The following ARHGAP24 variants were observed in gnomAD, a reference collection of about 807,000 sequenced individuals.
The protein encoded by ARHGAP24 is rho GTPase-activating protein 24.
Under a neutral mutation model 76.4 loss-of-function variants are expected in ARHGAP24, and 50 were observed. That is an observed-to-expected ratio of 0.65 (90% CI 0.52 to 0.83). The LOEUF is 0.83. Among genes scored for constraint, ARHGAP24 ranks in the 40% least tolerant of loss-of-function variants. The pLI is 0.00. For synonymous variants in ARHGAP24, 345 were observed against 323.3 expected, an observed-to-expected ratio of 1.07 and a Z score of -0.72; for missense variants, 930 against 914.2, an observed-to-expected ratio of 1.02 and a Z score of -0.22.
At chr4:85,575,760 C>T (rs1463476349) in intron 2 of ARHGAP24, among the ~76,000 whole-genome samples, 1 of 152,068 alleles carries the variant, frequency 6.6e-6, no homozygotes, top group Non-Finnish European at 1.5e-5. Flanking sequence ...TTCAGGCCCA[C>T]CTATTTTACT....
intron 1 of ARHGAP24, among the ~76,000 whole-genome samples, chr4:85,560,600 AG>A (rs1360359710): frequency 6.6e-6 from 1 of 152,206 alleles, no homozygotes; most frequent in African/African-American, 2.4e-5. Context: ...ACTGTACGTA[AG>A]TTCCCCCAGG....
intron 2 of ARHGAP24, among the ~76,000 whole-genome samples, chr4:85,673,568 G>A (rs1361370072): frequency 1.3e-5 from 2 of 151,522 alleles, no homozygotes; most frequent in African/African-American, 4.8e-5. Context: ...AAGAGAAAGA[G>A]AGAAGAAAGA....
At chr4:85,874,141 C>T (rs1236323480) in intron 3 of ARHGAP24, among the ~76,000 whole-genome samples, 2 of 152,044 alleles carry the variant, frequency 1.3e-5, no homozygotes, top group African/African-American at 2.4e-5. Context: ...ACAAAAACAA[C>T]GATAACAATC....
chr4:85,492,459 G>T (rs1723398224), intron 1 of ARHGAP24, among the ~76,000 whole-genome samples: 1 of 152,048 alleles, frequency 6.6e-6, no homozygotes, highest in Non-Finnish European at 1.5e-5. Flanking sequence ...ATAAGCAGCT[G>T]GTTTGATAAA....
chr4:85,535,429 G>A (rs969961691), intron 1 of ARHGAP24, among the ~76,000 whole-genome samples: 3 of 152,150 alleles, frequency 2.0e-5, no homozygotes, highest in East Asian at 3.9e-4. Context: ...AATGTTATTG[G>A]TAGTACACAA....
chr4:85,500,238 A>G (rs565586428), intron 1 of ARHGAP24, among the ~76,000 whole-genome samples: 4 of 152,330 alleles, frequency 2.6e-5, no homozygotes, highest in South Asian at 2.1e-4. Context: ...TGTGGCTTCT[A>G]TTATATTCCT....
chr4:85,808,100 G>C (rs1340794738), intron 3 of ARHGAP24, among the ~76,000 whole-genome samples: 1 of 152,104 alleles, frequency 6.6e-6, no homozygotes, highest in African/African-American at 2.4e-5. Context: ...TAATGAAAGA[G>C]ACCAGATGTT....
chr4:85,503,518 T>A (rs1331353562), intron 1 of ARHGAP24, among the ~76,000 whole-genome samples: 1 of 152,226 alleles, frequency 6.6e-6, no homozygotes, highest in Non-Finnish European at 1.5e-5. Context: ...GCGTTTATAG[T>A]ATTTTCTGAT....
At chr4:85,852,106 C>T (rs967076416) in intron 3 of ARHGAP24, among the ~76,000 whole-genome samples, 2 of 152,216 alleles carry the variant, frequency 1.3e-5, no homozygotes. Context: ...TAGATTTGAT[C>T]TTCTCACATA....
intron 2 of ARHGAP24, among the ~76,000 whole-genome samples, chr4:85,696,643 C>T (rs1441138761): frequency 8.5e-5 from 13 of 152,260 alleles, no homozygotes; most frequent in Middle Eastern, 3.4e-3. Context: ...TTAAGTTTTA[C>T]ATCAAATGGC....
chr4:85,803,254 A>G (rs1728650618), intron 3 of ARHGAP24, among the ~76,000 whole-genome samples: 1 of 152,214 alleles, frequency 6.6e-6, no homozygotes, highest in Non-Finnish European at 1.5e-5. Flanking sequence ...GAACAAAGAC[A>G]GTCACAGTCA....
chr4:85,572,140 A>C (rs1727164129), intron 2 of ARHGAP24, among the ~76,000 whole-genome samples: 1 of 152,188 alleles, frequency 6.6e-6, no homozygotes, highest in African/African-American at 2.4e-5. Context: ...CTCCTATCTT[A>C]CCCTCCACGG....
chr4:85,526,927 C>T (rs1348053139), intron 1 of ARHGAP24, among the ~76,000 whole-genome samples: 1 of 152,148 alleles, frequency 6.6e-6, no homozygotes, highest in African/African-American at 2.4e-5. Context: ...TACACATAAT[C>T]TGTACATTTG....
At chr4:85,501,492 T>G (rs1159656170) in intron 1 of ARHGAP24, among the ~76,000 whole-genome samples, 3 of 152,256 alleles carry the variant, frequency 2.0e-5, no homozygotes, top group Non-Finnish European at 4.4e-5. Flanking sequence ...TGAGCATTTT[T>G]TCATGTGTCT....
intron 1 of ARHGAP24, among the ~76,000 whole-genome samples, chr4:85,520,549 G>A (rs575530201): frequency 3.3e-5 from 5 of 152,162 alleles, no homozygotes; most frequent in South Asian, 4.2e-4. Context: ...ACAAATGTGG[G>A]CAATGATGGG....
intron 1 of ARHGAP24, among the ~76,000 whole-genome samples, chr4:85,558,437 T>C (rs1726473914): frequency 6.6e-6 from 1 of 152,228 alleles, no homozygotes; most frequent in Non-Finnish European, 1.5e-5. Context: ...AATCAGATAT[T>C]TTGAAGTGCT....
intron 1 of ARHGAP24, among the ~76,000 whole-genome samples, chr4:85,508,453 T>C (rs775349783): frequency 4.6e-5 from 7 of 152,180 alleles, no homozygotes; most frequent in Non-Finnish European, 8.8e-5. Context: ...ATTATAGCTT[T>C]AAAAGAAGTG....
At chr4:85,745,594 A>AAC (rs1415821948) in intron 3 of ARHGAP24, among the ~76,000 whole-genome samples, 1 of 149,124 alleles carries the variant, frequency 6.7e-6, no homozygotes, top group East Asian at 1.9e-4. Flanking sequence ...TTATCTCTTA[A>AAC]AAAAAAAAAA....
At chr4:85,677,750 T>C (rs900640181) in intron 2 of ARHGAP24, among the ~76,000 whole-genome samples, 2 of 152,212 alleles carry the variant, frequency 1.3e-5, no homozygotes, top group Non-Finnish European at 2.9e-5. Flanking sequence ...AACTGTTTGT[T>C]GGTATTATGT....
Sources: gnomAD v4.1 joint callset for allele counts (sites outside exome capture counted in the v4.1 genomes callset) on GRCh38, gnomAD v4.1.1 for gene constraint, MANE v1.5 for transcripts, NCBI Gene and HGNC (gene_info 2026-07-23, HGNC 2026-07-21) for gene names.